The following RB1CC1 variants were observed in gnomAD, a reference collection of about 807,000 sequenced individuals.
RB1CC1 encodes RB1-inducible coiled-coil protein 1.
A neutral mutation model predicts 177.5 loss-of-function variants in RB1CC1; 46 were observed. The observed-to-expected ratio is 0.26, with a 90% CI of 0.20 to 0.33. RB1CC1 has a LOEUF of 0.33. RB1CC1 is among the 10% of genes least tolerant of loss of function. RB1CC1 has a pLI of 1.00. For synonymous variants in RB1CC1, 666 were observed against 613.6 expected (o/e 1.09, Z -1.26); for missense variants, 1,703 against 1,816.3 (o/e 0.94, Z 1.13).
intron 15 of RB1CC1, among the ~76,000 whole-genome samples, chr8:52,652,030 AAT>A (rs1301607266): frequency 6.6e-6 from 1 of 152,332 alleles, no homozygotes; most frequent in Non-Finnish European, 1.5e-5. Context: ...AGGCTATTTA[AAT>A]ATTCCTTTCC....
chr8:52,681,603 A>C (rs77380716), intron 5 of RB1CC1, among the ~76,000 whole-genome samples: 1,823 of 152,286 alleles, frequency 0.012, 43 homozygotes, highest in African/African-American at 0.042. Flanking sequence ...AAATCTGAAA[A>C]GAGGGCAGGC....
At chr8:52,661,874 CAT>C (rs1293736959) in intron 8 of RB1CC1, among the ~76,000 whole-genome samples, 155 bp from the exon 9 acceptor site, 1 of 152,036 alleles carries the variant, frequency 6.6e-6, no homozygotes, top group Non-Finnish European at 1.5e-5. Context: ...GTAGTAGATG[CAT>C]AAATGGCACA....
intron 16 of RB1CC1, among the ~76,000 whole-genome samples, chr8:52,644,423 C>T (rs10093044): frequency 0.028 from 4,273 of 152,194 alleles, 177 homozygotes; most frequent in African/African-American, 0.092. Flanking sequence ...AGAAATTGTA[C>T]ATGTGCTTAT....
chr8:52,714,152 C>T lies in RB1CC1; in HGVS notation c.-244G>A, dbSNP rs944952628. 2.5e-5 allele frequency: 7 copies of T among 281,914 alleles called. No homozygotes were observed. Among genetic ancestry groups the T allele is most frequent in the Non-Finnish European group, 5.1e-5 (7 of 137,154 alleles). 17.5% of individuals were successfully genotyped at this position (281,914 alleles called of 1,614,324 possible). ...GCACCATCTTCCGCCGCCGCCTAGT[C>T]CTCGGCAGCGGTTACCAACCGCCCA... On this transcript the variant is annotated 5_prime_UTR_variant, in exon 1 of 24. Coordinates refer to ENST00000025008, the MANE Select transcript of RB1CC1 (RefSeq NM_014781.5).
intron 15 of RB1CC1, among the ~76,000 whole-genome samples, 153 bp downstream of exon 15, chr8:52,655,855 A>G (rs573466707): frequency 1.3e-3 from 198 of 152,306 alleles, no homozygotes; most frequent in African/African-American, 4.7e-3. Flanking sequence ...TGTTTGCAAG[A>G]AACACTGACT....
intron 15 of RB1CC1, among the ~76,000 whole-genome samples, chr8:52,652,026 T>C (rs1850632829): frequency 6.6e-6 from 1 of 152,212 alleles, no homozygotes; most frequent in African/African-American, 2.4e-5. Context: ...GAAAAGGCTA[T>C]TTAAATATTC....
chr8:52,628,504 T>C lies in RB1CC1; in HGVS notation c.4500-336A>G, dbSNP rs572845062. ...AGCAAGATTTTTTTCTCCTAATCTTTCATTTCACACCAAAAATTCAGAGAG... is the reference window on the plus strand; with the variant it reads ...AGCAAGATTTTTTTCTCCTAATCTTCCATTTCACACCAAAAATTCAGAGAG... On this transcript the variant is annotated intron_variant, in intron 21 of 23. Coordinates refer to ENST00000025008, the MANE Select transcript of RB1CC1 (RefSeq NM_014781.5). Among the ~76,000 whole-genome samples the C allele has an allele frequency of 2.9e-4, 44 of 152,326 alleles. 1 individual carries two copies. Among genetic ancestry groups the C allele is most frequent in the African/African-American group, 9.4e-4 (39 of 41,566 alleles).
Position 52,701,126 on chromosome 8 carries a change from CT to C in RB1CC1, c.-167+12948del, listed in dbSNP as rs200034490. On this transcript the variant is annotated intron_variant, in intron 1 of 23. Transcript: ENST00000025008. ...TATAACAATGTGTGAAGGACCAGAT[CT>C]TTTTTTTTTTTTGAGATGGAATTTT... Among the ~76,000 whole-genome samples, 311 of 144,592 alleles carry C rather than the reference CT, an allele frequency of 2.2e-3. 1 individual carries two copies. The highest frequency in any genetic ancestry group is 5.2e-3 in the East Asian group (26 of 4,996). 94.9% of individuals were successfully genotyped at this position (144,592 alleles called of 152,430 possible). A position where few individuals can be genotyped will look rare whatever the true frequency, so the allele number is the denominator to read the frequency against.
chr8:52,687,867 A>G (rs1473881493), intron 1 of RB1CC1, among the ~76,000 whole-genome samples: 2 of 152,230 alleles, frequency 1.3e-5, no homozygotes, highest in Non-Finnish European at 2.9e-5. Context: ...TCAACAATAG[A>G]TGATTAATAT....
intron 22 of RB1CC1, among the ~76,000 whole-genome samples, chr8:52,626,999 G>A (rs1279107340): frequency 6.6e-6 from 1 of 152,100 alleles, no homozygotes; most frequent in Non-Finnish European, 1.5e-5. Flanking sequence ...AGGCTACAGT[G>A]ACCAATGATC....
At chr8:52,702,639 C>T (rs1057224337) in intron 1 of RB1CC1, among the ~76,000 whole-genome samples, 1 of 152,068 alleles carries the variant, frequency 6.6e-6, no homozygotes, top group African/African-American at 2.4e-5. Context: ...TCACTCGCAC[C>T]CGGCAGGTGG....
chr8:52,645,546 A>G (rs1040637352), intron 16 of RB1CC1, among the ~76,000 whole-genome samples, 156 bp downstream of exon 16: 4 of 152,216 alleles, frequency 2.6e-5, no homozygotes, highest in Non-Finnish European at 5.9e-5. Flanking sequence ...TCTTAAAAAT[A>G]CACGCTTTTG....
Position 52,674,176 on chromosome 8 carries a change from G to A in RB1CC1, c.671C>T (p.Pro224Leu), listed in dbSNP as rs1247636891. Residue 224 changes from proline (P) to leucine (L), a missense_variant, in exon 7 of 24, where the codon CCT (proline) becomes CTT (leucine). Coordinates refer to ENST00000025008, the MANE Select transcript of RB1CC1 (RefSeq NM_014781.5). Reference sequence around the variant, plus strand: ...AGCTTTTTCTGAGTCTTCATGTTCAGGTAAAGAATCCAGTCTTCCCAAACA... The same window carrying A: ...AGCTTTTTCTGAGTCTTCATGTTCAAGTAAAGAATCCAGTCTTCCCAAACA... The part of the protein sequence containing the change: ...RECLGRLDSL[P>L]EHEDSEKAEM... 1 of 1,613,310 alleles carries A rather than the reference G, an allele frequency of 6.2e-7. No homozygotes were observed. Among genetic ancestry groups the A allele is most frequent in the Non-Finnish European group, 8.5e-7 (1 of 1,179,260 alleles).
rs759099616 is a variant in RB1CC1 at position 52,636,061 on chromosome 8, A to G, written c.4346T>C (p.Ile1449Thr). Residue 1449 changes from isoleucine (I) to threonine (T), a missense_variant, in exon 19 of 24, where the codon ATT (isoleucine) becomes ACT (threonine). Coordinates refer to ENST00000025008, the MANE Select transcript of RB1CC1 (RefSeq NM_014781.5). ...CTGTTTTTCTTCAGACAACATATGA[A>G]TATTTTCTCTAAAAGTGAGAATAAT... ...ETSMMSVQEN[I>T]HMLSEEKQRI... The G allele has an allele frequency of 3.7e-6, 6 of 1,605,212 alleles. No individual in the cohort carries two copies. The highest frequency in any genetic ancestry group is 1.1e-5 in the South Asian group (1 of 90,232).
At chr8:52,666,062 A>AG (rs1391449975) in intron 8 of RB1CC1, among the ~76,000 whole-genome samples, 1 of 152,214 alleles carries the variant, frequency 6.6e-6, no homozygotes, top group Non-Finnish European at 1.5e-5. Flanking sequence ...ACTGAACTAA[A>AG]GTAATTTACG....
At position 52,668,050 on chromosome 8, in the gene RB1CC1, G is replaced by A. The variant is rs1298988004; in HGVS notation, c.1144C>T (p.Leu382=). ...LDQMIASCGR[L]VNEQKELAQG... is the part of the protein sequence containing the mutation. ...GCAAGCTCTTTCTGTTCATTCACCAGTCGGCCACAGCTAGCAATCATCTGG... is the reference window on the plus strand; with the variant it reads ...GCAAGCTCTTTCTGTTCATTCACCAATCGGCCACAGCTAGCAATCATCTGG... The change falls in exon 8 of 24, where the codon CTG becomes TTG. Residue 382 remains leucine (L), a synonymous_variant. Transcript: ENST00000025008. 6.2e-7 allele frequency: 1 copy of A among 1,613,934 alleles called. No individual in the cohort carries two copies. The highest frequency in any genetic ancestry group is 8.5e-7 in the Non-Finnish European group (1 of 1,179,890).
rs769674413 is a variant in RB1CC1, at chr8:52,628,025, CACTT to C, written c.4636+3_4636+6del. ...GGTTTATATTTTAGTCATGGAATGA[CACTT>C]ACCACCCTCACCTGGTTTGAGATCC... On this transcript the variant is annotated splice_donor_5th_base_variant and intron_variant, in intron 22 of 23. Coordinates refer to ENST00000025008, the MANE Select transcript of RB1CC1 (RefSeq NM_014781.5). 120 of 1,573,884 alleles carry C rather than the reference CACTT, an allele frequency of 7.6e-5. No homozygotes were observed. The highest frequency in any genetic ancestry group is 9.9e-5 in the Non-Finnish European group (115 of 1,165,100).
At chr8:52,654,485 G>A (rs1303471325) in intron 15 of RB1CC1, among the ~76,000 whole-genome samples, 1 of 152,178 alleles carries the variant, frequency 6.6e-6, no homozygotes, top group Admixed American at 6.5e-5. Context: ...ATTTTGTGAT[G>A]CAGATTGAGT....
intron 15 of RB1CC1, among the ~76,000 whole-genome samples, chr8:52,655,021 T>C (rs1273815071): frequency 6.6e-6 from 1 of 152,152 alleles, no homozygotes; most frequent in Non-Finnish European, 1.5e-5. Context: ...TTAAGTACTG[T>C]CCATCTCTGA....
Sources: gnomAD v4.1 joint callset for allele counts (sites outside exome capture counted in the v4.1 genomes callset) on GRCh38, gnomAD v4.1.1 for gene constraint, MANE v1.5 for transcripts, NCBI Gene and HGNC (gene_info 2026-07-23, HGNC 2026-07-21) for gene names.